The following FBXL17 variants were observed in gnomAD, a reference collection of about 807,000 sequenced individuals.
The protein encoded by FBXL17 is F-box and leucine rich repeat protein 17, also known as F-box/LRR-repeat protein 17.
In FBXL17, 22 loss-of-function variants were observed where a neutral mutation model predicts 66.2. That is an observed-to-expected ratio of 0.33 (90% CI 0.24 to 0.47). The LOEUF is 0.47. Among genes scored for constraint, FBXL17 ranks in the 20% least tolerant of loss-of-function variants. FBXL17 has a pLI of 1.00. For synonymous variants in FBXL17, 474 were observed against 400.5 expected (o/e 1.18, Z -2.19); for missense variants, 878 against 948.2 (o/e 0.93, Z 0.97).
At chr5:108,345,554 G>T (rs1250328702) in intron 4 of FBXL17, among the ~76,000 whole-genome samples, 1 of 149,028 alleles carries the variant, frequency 6.7e-6, no homozygotes, top group Non-Finnish European at 1.5e-5. Context: ...GTGTAAAATG[G>T]TAAGTTCATC....
chr5:108,086,162 G>A (rs959274179), intron 6 of FBXL17, among the ~76,000 whole-genome samples: 3 of 152,144 alleles, frequency 2.0e-5, no homozygotes, highest in Non-Finnish European at 4.4e-5. Flanking sequence ...TCATTCCAGA[G>A]AAGTCCTGCC....
At chr5:108,378,064 G>A (rs1418265109) in intron 1 of FBXL17, among the ~76,000 whole-genome samples, 1 of 152,088 alleles carries the variant, frequency 6.6e-6, no homozygotes, top group Non-Finnish European at 1.5e-5. Context: ...TTTTGCCAAA[G>A]GCAAACAACT....
chr5:108,062,364 G>A (rs2112846615), intron 6 of FBXL17, among the ~76,000 whole-genome samples: 1 of 152,182 alleles, frequency 6.6e-6, no homozygotes, highest in South Asian at 2.1e-4. Context: ...TGGATACGAG[G>A]ACTATCTAAC....
chr5:108,311,017 A>G (rs1165944089), intron 4 of FBXL17, among the ~76,000 whole-genome samples: 2 of 152,148 alleles, frequency 1.3e-5, no homozygotes, highest in African/African-American at 4.8e-5. Flanking sequence ...ACAACAATTC[A>G]TGACCAATTC....
chr5:108,130,420 C>G (rs1022340542), intron 6 of FBXL17, among the ~76,000 whole-genome samples: 2 of 151,730 alleles, frequency 1.3e-5, no homozygotes, highest in African/African-American at 4.8e-5. Flanking sequence ...TTAGGACATG[C>G]CTCTAAATAG....
At chr5:108,300,240 ATC>A (rs1170652139) in intron 4 of FBXL17, among the ~76,000 whole-genome samples, 7 of 151,968 alleles carry the variant, frequency 4.6e-5, no homozygotes, top group Non-Finnish European at 8.8e-5. Context: ...AAAATATAGC[ATC>A]GAGGAAAAAA....
At chr5:108,081,047 T>C (rs1242528093) in intron 6 of FBXL17, among the ~76,000 whole-genome samples, 1 of 152,104 alleles carries the variant, frequency 6.6e-6, no homozygotes, top group Non-Finnish European at 1.5e-5. Flanking sequence ...AAGAAATATA[T>C]TTTGGGGTAA....
At chr5:108,131,627 T>C (rs977485982) in intron 6 of FBXL17, among the ~76,000 whole-genome samples, 2 of 152,156 alleles carry the variant, frequency 1.3e-5, no homozygotes, top group Non-Finnish European at 2.9e-5. Flanking sequence ...GAGACCACTT[T>C]TTCATCAAAA....
At chr5:108,148,966 TTA>T (rs1362290409) in intron 6 of FBXL17, among the ~76,000 whole-genome samples, 1 of 152,222 alleles carries the variant, frequency 6.6e-6, no homozygotes, top group Non-Finnish European at 1.5e-5. Flanking sequence ...ATGTAAAACA[TTA>T]TGAGTCCTCA....
At chr5:108,096,105 G>A (rs1157577919) in intron 6 of FBXL17, among the ~76,000 whole-genome samples, 1 of 152,060 alleles carries the variant, frequency 6.6e-6, no homozygotes, top group African/African-American at 2.4e-5. Flanking sequence ...AAGCTAAGGA[G>A]TCCAAAAAAA....
intron 8 of FBXL17, among the ~76,000 whole-genome samples, chr5:107,872,118 A>C (rs1748477129): frequency 1.3e-5 from 2 of 152,214 alleles, no homozygotes; most frequent in African/African-American, 4.8e-5. Context: ...ATTCTGCATT[A>C]ATGTGATCGG....
Position 108,364,771 on chromosome 5 carries a change from G to C in FBXL17, c.1341C>G (p.Asn447Lys). ...CPLLQKVHVG[N>K]QDKLTDEGLK... is the part of the protein sequence containing the mutation. ...GTCCTTCATCAGTGAGTTTGTCCTGGTTGCCTACATGCACTTTCTGAAGTA... is the reference window on the plus strand; with the variant it reads ...GTCCTTCATCAGTGAGTTTGTCCTGCTTGCCTACATGCACTTTCTGAAGTA... Residue 447 changes from asparagine to lysine, a missense_variant, in exon 3 of 9, where the codon AAC becomes AAG. Physicochemically the swap from Asn to Lys is moderately conservative, Grantham distance 94. This residue lies in a region of FBXL17 where 236 missense variants were observed against 389.1 expected (regional missense o/e 0.61). Coordinates refer to ENST00000542267, the MANE Select transcript of FBXL17 (RefSeq NM_001163315.3). 1.2e-6 allele frequency: 2 copies of C among 1,612,390 alleles called. No homozygotes were observed. Among genetic ancestry groups the C allele is most frequent in the Non-Finnish European group, 1.7e-6 (2 of 1,178,942 alleles).
At chr5:108,193,806 A>ATGTAT (rs1753567511) in intron 5 of FBXL17, among the ~76,000 whole-genome samples, 1 of 151,984 alleles carries the variant, frequency 6.6e-6, no homozygotes, top group Admixed American at 6.6e-5. Flanking sequence ...CACCTTCTCT[A>ATGTAT]TGTATTCTCT....
At chr5:108,159,448 G>A (rs1433486745) in intron 6 of FBXL17, among the ~76,000 whole-genome samples, 2 of 152,118 alleles carry the variant, frequency 1.3e-5, no homozygotes, top group African/African-American at 4.8e-5. Context: ...TGGGGCCTTT[G>A]GGAAGTGATT....
chr5:108,165,748 G>T (rs1403489988), intron 6 of FBXL17, among the ~76,000 whole-genome samples: 1 of 152,100 alleles, frequency 6.6e-6, no homozygotes, highest in Non-Finnish European at 1.5e-5. Flanking sequence ...GAGTGTCTGT[G>T]GTTAAAATTT....
At chr5:108,234,951 CTT>C (rs1561480198) in intron 4 of FBXL17, among the ~76,000 whole-genome samples, 1 of 152,106 alleles carries the variant, frequency 6.6e-6, no homozygotes, top group African/African-American at 2.4e-5. Context: ...GCAATGTAGT[CTT>C]ATTTTAAGAC....
At chr5:108,248,275 T>C (rs887323204) in intron 4 of FBXL17, among the ~76,000 whole-genome samples, 4 of 152,070 alleles carry the variant, frequency 2.6e-5, no homozygotes, top group African/African-American at 9.7e-5. Context: ...AAGAACCACA[T>C]GGAAGTTTTT....
At chr5:108,150,663 T>G (rs932893206) in intron 6 of FBXL17, among the ~76,000 whole-genome samples, 3 of 152,232 alleles carry the variant, frequency 2.0e-5, no homozygotes, top group Non-Finnish European at 2.9e-5. Context: ...ATCCATAATC[T>G]TGATTTGTCT....
At chr5:108,284,751 G>A (rs1320833750) in intron 4 of FBXL17, among the ~76,000 whole-genome samples, 2 of 151,848 alleles carry the variant, frequency 1.3e-5, no homozygotes, top group Non-Finnish European at 2.9e-5. Context: ...CCTTCAGTAA[G>A]CTGTAATCTT....
Sources: gnomAD v4.1 joint callset for allele counts (sites outside exome capture counted in the v4.1 genomes callset) on GRCh38, gnomAD v4.1.1 for gene constraint, gnomAD v4.1.1 regional missense constraint, MANE v1.5 for transcripts, NCBI Gene and HGNC (gene_info 2026-07-23, HGNC 2026-07-21) for gene names.